SCFD2: variants seen among roughly 807,000 people sequenced by gnomAD.
SCFD2 encodes the protein sec1 family domain containing 2.
A neutral mutation model predicts 58.9 loss-of-function variants in SCFD2; 54 were observed. The ratio of observed to expected loss-of-function variants is 0.92; its 90% CI spans 0.74 to 1.15. SCFD2 has a LOEUF of 1.15. SCFD2 is among the 50% of genes most tolerant of loss of function. The pLI is 0.00. For missense variants in SCFD2, 805 were observed against 836.6 expected (o/e 0.96, Z 0.47); for synonymous variants, 321 against 335.9 (o/e 0.96, Z 0.49).
At position 52,877,869 on chromosome 4, in the gene SCFD2, G is replaced by T. The variant is rs535844180; in HGVS notation, c.1963-3808C>A. 1.6e-4 allele frequency among the ~76,000 whole-genome samples: 24 copies of T among 152,286 alleles called. No homozygotes were observed. In the South Asian group the frequency reaches 5.0e-3, roughly 32 times the overall value. On this transcript the variant is annotated intron_variant, in intron 8 of 8. Coordinates refer to ENST00000401642, the MANE Select transcript of SCFD2 (RefSeq NM_152540.4). ...CCCAGCCCTCCCGGAGAGCATCACA[G>T]GACTTCAGAACCTGAATGCTGCCAG...
rs75366352 is a variant in SCFD2, at chr4:53,047,626, G to A, written c.1561+97707C>T. The stretch of plus-strand genomic sequence containing the variant: ...TACACTTCTATCAGGTGACTGACAT[G>A]CATGTTACACCGTCTTACGATTTTA... On this transcript the variant is annotated intron_variant, in intron 5 of 8. Coordinates refer to ENST00000401642, the MANE Select transcript of SCFD2 (RefSeq NM_152540.4). Among the ~76,000 whole-genome samples the A allele has an allele frequency of 4.5e-3, 679 of 152,244 alleles. 5 individuals are homozygous for A. Among genetic ancestry groups the A allele is most frequent in the Middle Eastern group, 0.027 (8 of 294 alleles).
chr4:53,049,104 C>G (rs1723120595), intron 5 of SCFD2, among the ~76,000 whole-genome samples: 1 of 152,194 alleles, frequency 6.6e-6, no homozygotes, highest in South Asian at 2.1e-4. Flanking sequence ...TCTTTCAACC[C>G]AGTTCAGTTT....
At chr4:53,214,594 C>T (rs954659648) in intron 4 of SCFD2, among the ~76,000 whole-genome samples, 24 of 152,212 alleles carry the variant, frequency 1.6e-4, no homozygotes, top group African/African-American at 5.1e-4. Flanking sequence ...TTCTCCCATT[C>T]TGTAGGTTGC....
intron 5 of SCFD2, among the ~76,000 whole-genome samples, chr4:53,088,980 T>C (rs757432269): frequency 6.6e-6 from 1 of 152,128 alleles, no homozygotes; most frequent in Non-Finnish European, 1.5e-5. Flanking sequence ...AGTGCTGTTA[T>C]AAAAGAGACT....
chr4:53,273,885 T>G lies in SCFD2; in HGVS notation c.1252A>C (p.Lys418Gln), dbSNP rs370781037. 1.2e-6 allele frequency: 2 copies of G among 1,613,830 alleles called. No homozygotes were observed. The highest frequency in any genetic ancestry group is 2.7e-5 in the African/African-American group (2 of 74,906). ...TCCCACTTGGCAGTCTGTGGGTGTT[T>G]CAACGTTTGAGCTGTGGCCAGTCCA... is the stretch of plus-strand genomic sequence containing the variant. ...QLGLATAQTL[K>Q]HPQTAKWDNF... Residue 418 changes from lysine to glutamine, a missense_variant, in exon 4 of 9, where the codon AAA becomes CAA. Coordinates refer to ENST00000401642, the MANE Select transcript of SCFD2 (RefSeq NM_152540.4).
chr4:53,051,555 C>T (rs943490979), intron 5 of SCFD2, among the ~76,000 whole-genome samples: 4 of 152,142 alleles, frequency 2.6e-5, no homozygotes, highest in African/African-American at 9.7e-5. Flanking sequence ...CTATGCTTGG[C>T]TTGAGTGAGA....
intron 2 of SCFD2, 34 bp from the exon 3 acceptor site, chr4:53,313,797 A>C: frequency 6.2e-7 from 1 of 1,611,360 alleles, no homozygotes; most frequent in Non-Finnish European, 8.5e-7. Flanking sequence ...CTTTAGAATA[A>C]ATTTCTACTG....
At chr4:53,305,679 T>G (rs1732491968) in intron 3 of SCFD2, among the ~76,000 whole-genome samples, 1 of 152,196 alleles carries the variant, frequency 6.6e-6, no homozygotes, top group Non-Finnish European at 1.5e-5. Context: ...TATTTTAAAA[T>G]ACTCCTTGCT....
At chr4:53,271,110 T>C (rs1205855585) in intron 4 of SCFD2, among the ~76,000 whole-genome samples, 1 of 152,198 alleles carries the variant, frequency 6.6e-6, no homozygotes, top group African/African-American at 2.4e-5. Context: ...CCTCTTGATA[T>C]ATGTTTGTGA....
chr4:53,099,368 G>A (rs1007251148), intron 5 of SCFD2, among the ~76,000 whole-genome samples: 2 of 152,152 alleles, frequency 1.3e-5, no homozygotes, highest in African/African-American at 4.8e-5. Flanking sequence ...ATAATTATTA[G>A]CCCATTTCCT....
At chr4:53,055,156 A>C (rs1723287654) in intron 5 of SCFD2, among the ~76,000 whole-genome samples, 1 of 152,142 alleles carries the variant, frequency 6.6e-6, no homozygotes, top group Admixed American at 6.6e-5. Context: ...TATTAGATTT[A>C]ATCTTTATGG....
intron 8 of SCFD2, among the ~76,000 whole-genome samples, chr4:52,884,535 T>G (rs1718690618): frequency 6.6e-6 from 1 of 152,162 alleles, no homozygotes; most frequent in South Asian, 2.1e-4. Context: ...AGCTTGGCAG[T>G]GTGTCGTTTT....
intron 5 of SCFD2, among the ~76,000 whole-genome samples, chr4:53,121,306 C>T (rs1295040570): frequency 6.6e-6 from 1 of 152,184 alleles, no homozygotes; most frequent in East Asian, 1.9e-4. Context: ...GGAGCACAGG[C>T]CCCTTCTAAG....
rs149117201 is a variant in SCFD2 at position 53,319,274 on chromosome 4, C to A, written c.1008-5511G>T. On this transcript the variant is annotated intron_variant, in intron 2 of 8. Transcript: ENST00000401642. ...GTTTTAAGCAATATCATACTATTCCCCTTGTGGGTCAAAATTAGCCATTGA... is the reference window on the plus strand; with the variant it reads ...GTTTTAAGCAATATCATACTATTCCACTTGTGGGTCAAAATTAGCCATTGA... Among the ~76,000 whole-genome samples the A allele has an allele frequency of 8.6e-3, 1,304 of 152,254 alleles. 13 individuals are homozygous for A. The highest frequency in any genetic ancestry group is 0.048 in the Middle Eastern group (14 of 292).
intron 2 of SCFD2, among the ~76,000 whole-genome samples, chr4:53,338,613 C>T (rs1386702939): frequency 8.2e-5 from 5 of 61,208 alleles, no homozygotes; most frequent in Non-Finnish European, 1.7e-4. Context: ...TGGAGTCTCG[C>T]TCTGTCGCCC....
chr4:53,013,833 T>G (rs1270628171), intron 5 of SCFD2, among the ~76,000 whole-genome samples: 2 of 152,046 alleles, frequency 1.3e-5, no homozygotes, highest in Admixed American at 6.5e-5. Context: ...TGTTTACCAC[T>G]GAAGGAAAGG....
At chr4:52,876,457 G>A (rs1189151585) in intron 8 of SCFD2, among the ~76,000 whole-genome samples, 1 of 152,062 alleles carries the variant, frequency 6.6e-6, no homozygotes, top group African/African-American at 2.4e-5. Flanking sequence ...CAATTAAGAA[G>A]CCCTTTTTCG....
chr4:53,224,790 GATA>G (rs1277577978), intron 4 of SCFD2, among the ~76,000 whole-genome samples: 3 of 151,200 alleles, frequency 2.0e-5, no homozygotes, highest in Non-Finnish European at 4.4e-5. Flanking sequence ...AGAAAACTAT[GATA>G]ATAATTGTGA....
At chr4:52,878,457 A>G (rs1718532725) in intron 8 of SCFD2, among the ~76,000 whole-genome samples, 2 of 152,230 alleles carry the variant, frequency 1.3e-5, no homozygotes, top group African/African-American at 4.8e-5. Flanking sequence ...AGCATGAAAT[A>G]TAATAGTTGG....
Sources: allele counts gnomAD v4.1 joint callset (sites outside exome capture counted in the v4.1 genomes callset), GRCh38; gene constraint gnomAD v4.1.1; transcripts MANE v1.5; gene names NCBI Gene and HGNC (gene_info 2026-07-23, HGNC 2026-07-21).